Variants in NEBL observed in about 807,000 individuals in gnomAD.
NEBL encodes the protein LIM and SH3 protein 2.
A neutral mutation model predicts 140.2 loss-of-function variants in NEBL; 122 were observed. The observed-to-expected ratio is 0.87, with a 90% CI of 0.75 to 1.01. The LOEUF is 1.01. Ranked by LOEUF, NEBL falls within the 50% of genes least tolerant of loss-of-function variation. NEBL has a pLI of 0.00. For missense variants in NEBL, 1,365 were observed against 1,231.3 expected, an observed-to-expected ratio of 1.11 and a Z score of -1.62; for synonymous variants, 436 against 398.9, an observed-to-expected ratio of 1.09 and a Z score of -1.11.
At chr10:21,091,442 T>C (rs1836907547) in intron 2 of NEBL, among the ~76,000 whole-genome samples, 1 of 152,118 alleles carries the variant, frequency 6.6e-6, no homozygotes, top group Non-Finnish European at 1.5e-5. Context: ...ATGAAAAAAA[T>C]GTATGAGACA....
intron 3 of NEBL, among the ~76,000 whole-genome samples, chr10:21,191,015 C>G (rs991202589): frequency 6.6e-6 from 1 of 152,106 alleles, no homozygotes; most frequent in African/African-American, 2.4e-5. Context: ...TAGAAGTGTT[C>G]CCCCATTTAT....
chr10:21,216,726 G>A (rs569939734), intron 3 of NEBL, among the ~76,000 whole-genome samples: 61 of 150,186 alleles, frequency 4.1e-4, no homozygotes, highest in African/African-American at 1.4e-3. Flanking sequence ...AGCCGAGATC[G>A]CACCACTGCA....
At chr10:21,178,538 T>A (rs369374619), upstream of NEBL, among the ~76,000 whole-genome samples, 31 of 152,338 alleles carry the variant, frequency 2.0e-4, 1 homozygote, top group African/African-American at 7.5e-4. Flanking sequence ...AGCTACCATA[T>A]TTCCTCTCCC....
chr10:20,824,950 C>A (rs1005209299), intron 18 of NEBL, among the ~76,000 whole-genome samples: 1 of 152,060 alleles, frequency 6.6e-6, no homozygotes, highest in African/African-American at 2.4e-5. Context: ...CTCTCCCAAC[C>A]TAATTCATCT....
Position 20,821,535 on chromosome 10 carries a change from A to G in NEBL, c.1962+1673T>C, listed in dbSNP as rs148460235. ...ACCTACAATGTTATACTTTTTCATTAAATTAATTCACTGTTTATTTTCAAA... is the reference window on the plus strand; with the variant it reads ...ACCTACAATGTTATACTTTTTCATTGAATTAATTCACTGTTTATTTTCAAA... On this transcript the variant is annotated intron_variant, in intron 19 of 27. Transcript: ENST00000377122. Among the ~76,000 whole-genome samples, 13 of 152,338 alleles carry G rather than the reference A, an allele frequency of 8.5e-5. No homozygotes were observed. The East Asian group carries it at 2.5e-3, about 29-fold the overall frequency.
At chr10:20,830,970 C>T (rs1185443755) in intron 16 of NEBL, among the ~76,000 whole-genome samples, 3 of 151,148 alleles carry the variant, frequency 2.0e-5, no homozygotes, top group African/African-American at 4.9e-5. Context: ...CAAGGAGCCC[C>T]GACAGAGAGG....
At chr10:21,238,607 T>A (rs1389787540) in intron 3 of NEBL, among the ~76,000 whole-genome samples, 2 of 149,626 alleles carry the variant, frequency 1.3e-5, no homozygotes, top group African/African-American at 4.9e-5. Flanking sequence ...CTACTGGGGA[T>A]GCTGAGGCAG....
intron 4 of NEBL, among the ~76,000 whole-genome samples, chr10:20,905,059 G>T (rs749570616): frequency 9.2e-5 from 14 of 152,146 alleles, no homozygotes; most frequent in Admixed American, 7.2e-4. Context: ...ATTAAAATGG[G>T]GAAATAATGA....
intron 2 of NEBL, among the ~76,000 whole-genome samples, chr10:21,156,569 A>G (rs1269835236): frequency 6.6e-6 from 1 of 152,076 alleles, no homozygotes; most frequent in African/African-American, 2.4e-5. Context: ...CCCATTTCTT[A>G]TCACAGGACA....
chr10:21,019,739 G>GCA (rs1351770040), intron 3 of NEBL, among the ~76,000 whole-genome samples: 2 of 152,168 alleles, frequency 1.3e-5, no homozygotes, highest in South Asian at 4.1e-4. Context: ...GGTGTTAGCC[G>GCA]CACACACACT....
At chr10:21,084,611 A>T (rs962583786) in intron 2 of NEBL, among the ~76,000 whole-genome samples, 18 of 152,196 alleles carry the variant, frequency 1.2e-4, no homozygotes, top group African/African-American at 3.4e-4. Context: ...AAAAAATAAA[A>T]AAATAAAAAT....
chr10:21,202,114 C>A (rs979405882), intron 3 of NEBL, among the ~76,000 whole-genome samples: 3 of 152,066 alleles, frequency 2.0e-5, no homozygotes, highest in Non-Finnish European at 2.9e-5. Flanking sequence ...AAAATCTATG[C>A]AGGTCATATT....
chr10:21,244,217 G>T (rs568048115), intron 3 of NEBL, among the ~76,000 whole-genome samples: 26 of 151,912 alleles, frequency 1.7e-4, no homozygotes, highest in Non-Finnish European at 3.5e-4. Context: ...AAGCTGGAGC[G>T]CAGTGTGGCC....
At chr10:20,823,391 G>T in intron 18 of NEBL, 91 bp from the exon 19 acceptor site, 2 of 921,322 alleles carry the variant, frequency 2.2e-6, no homozygotes, top group Non-Finnish European at 3.3e-6. Flanking sequence ...TTGCATAATT[G>T]AATTTTATTA....
chr10:21,043,666 G>T (rs1257117412), intron 2 of NEBL, among the ~76,000 whole-genome samples: 1 of 152,124 alleles, frequency 6.6e-6, no homozygotes, highest in Non-Finnish European at 1.5e-5. Flanking sequence ...CCTAGTGAGA[G>T]AGTTGCACAC....
intron 2 of NEBL, among the ~76,000 whole-genome samples, chr10:21,104,582 T>C (rs1013214795): frequency 2.6e-5 from 4 of 152,232 alleles, no homozygotes; most frequent in African/African-American, 7.2e-5. Context: ...GCTTATATAC[T>C]GCATTCTCAC....
intron 3 of NEBL, among the ~76,000 whole-genome samples, chr10:21,228,045 A>G (rs1842195405): frequency 6.6e-6 from 1 of 152,062 alleles, no homozygotes; most frequent in South Asian, 2.1e-4. Flanking sequence ...TAGTGTTCCC[A>G]TATGAAGGAG....
intron 3 of NEBL, among the ~76,000 whole-genome samples, chr10:21,206,972 T>C (rs912788172): frequency 4.9e-5 from 7 of 142,270 alleles, no homozygotes; most frequent in African/African-American, 8.0e-5. Flanking sequence ...TTCTTTCTTT[T>C]TTTTTTTTTT....
chr10:21,165,155 T>C (rs915388108), intron 2 of NEBL, among the ~76,000 whole-genome samples: 2 of 152,204 alleles, frequency 1.3e-5, no homozygotes, highest in Non-Finnish European at 2.9e-5. Context: ...CCCCATTTAA[T>C]CTCTATAAAG....
Sources: allele counts gnomAD v4.1 joint callset (sites outside exome capture counted in the v4.1 genomes callset), GRCh38; gene constraint gnomAD v4.1.1; transcripts MANE v1.5; gene names NCBI Gene and HGNC (gene_info 2026-07-23, HGNC 2026-07-21).